Variants in PHF21B observed in about 807,000 individuals in gnomAD.
The protein encoded by PHF21B is PHD finger protein 21B.
In PHF21B, 22 loss-of-function variants were observed where a neutral mutation model predicts 62.2. That is an observed-to-expected ratio of 0.35 (90% CI 0.25 to 0.51). The LOEUF is 0.51. PHF21B is among the 20% of genes least tolerant of loss of function. The pLI, the probability that PHF21B is intolerant of heterozygous loss-of-function variation, is 0.97. For missense variants in PHF21B, 701 were observed against 707.9 expected (o/e 0.99, Z 0.11); for synonymous variants, 341 against 314.7 (o/e 1.08, Z -0.88).
intron 3 of PHF21B, among the ~76,000 whole-genome samples, chr22:44,919,576 T>A (rs2071498221): frequency 6.6e-6 from 1 of 152,164 alleles, no homozygotes; most frequent in Non-Finnish European, 1.5e-5. Context: ...CCTCTCACCA[T>A]CCTTGAGCTG....
Position 44,915,975 on chromosome 22 carries a change from G to A in PHF21B, c.564+305C>T, listed in dbSNP as rs538654499. ...TCATTAATTGGTTAATCATTTGAAT[G>A]AATTCATTCATTGACCAATCACTCC... On this transcript the variant is annotated intron_variant, in intron 4 of 12. Transcript: ENST00000313237. Among the ~76,000 whole-genome samples, 4 of 152,302 alleles carry A rather than the reference G, an allele frequency of 2.6e-5. No individual in the cohort carries two copies. In the South Asian group the frequency reaches 8.3e-4, roughly 32 times the overall value.
intron 2 of PHF21B, among the ~76,000 whole-genome samples, chr22:44,925,191 G>A (rs1444452592): frequency 6.6e-6 from 1 of 152,214 alleles, no homozygotes; most frequent in East Asian, 1.9e-4. Flanking sequence ...GACATTTTCA[G>A]GGAGAAAGAT....
chr22:44,948,452 C>T (rs553353455), intron 2 of PHF21B, among the ~76,000 whole-genome samples: 4 of 152,232 alleles, frequency 2.6e-5, no homozygotes, highest in African/African-American at 7.2e-5. Flanking sequence ...GAGGCCGAGG[C>T]GGGCAGATCA....
chr22:44,902,843 G>A (rs1362278724), intron 5 of PHF21B, among the ~76,000 whole-genome samples: 1 of 151,552 alleles, frequency 6.6e-6, no homozygotes. Flanking sequence ...TTGATGTTTT[G>A]TTGTTAAACA....
intron 2 of PHF21B, among the ~76,000 whole-genome samples, chr22:44,999,428 C>T (rs966091290): frequency 9.2e-5 from 14 of 152,130 alleles, no homozygotes; most frequent in African/African-American, 2.7e-4. Flanking sequence ...ACCGAGGCCC[C>T]GGCCAGCCAC....
chr22:44,991,979 G>A (rs544988824), intron 2 of PHF21B, among the ~76,000 whole-genome samples: 1 of 152,332 alleles, frequency 6.6e-6, no homozygotes, highest in Admixed American at 6.5e-5. Context: ...ATTTTTGGAG[G>A]CATTAAAGAA....
intron 2 of PHF21B, among the ~76,000 whole-genome samples, chr22:44,943,579 CTA>C (rs2072004867): frequency 6.6e-6 from 1 of 152,100 alleles, no homozygotes; most frequent in African/African-American, 2.4e-5. Flanking sequence ...CCCGCGGGCT[CTA>C]GAGTCCTGGC....
intron 5 of PHF21B, among the ~76,000 whole-genome samples, chr22:44,900,943 A>G (rs1601580901): frequency 6.6e-6 from 1 of 152,258 alleles, no homozygotes; most frequent in Non-Finnish European, 1.5e-5. Flanking sequence ...TGCAGATTAT[A>G]AAGTCTTTTT....
intron 2 of PHF21B, among the ~76,000 whole-genome samples, chr22:44,932,191 T>G (rs2071755272): frequency 6.6e-6 from 1 of 152,138 alleles, no homozygotes; most frequent in African/African-American, 2.4e-5. Context: ...AATCTGTTCT[T>G]TAAGAGGGGC....
chr22:44,899,753 C>G (rs1206339579), intron 5 of PHF21B, among the ~76,000 whole-genome samples: 1 of 151,812 alleles, frequency 6.6e-6, no homozygotes, highest in Non-Finnish European at 1.5e-5. Context: ...AATCTTTTTG[C>G]TGCAATCATA....
In PHF21B at chr22:44,893,543, C is replaced by T; in HGVS notation, c.884-10G>A. The T allele has an allele frequency of 5.0e-6, 8 of 1,592,342 alleles. No individual in the cohort carries two copies. The highest frequency in any genetic ancestry group is 6.8e-6 in the Non-Finnish European group (8 of 1,169,056). On this transcript the variant is annotated splice_polypyrimidine_tract_variant and intron_variant, in intron 6 of 12. Transcript: ENST00000313237. The stretch of plus-strand genomic sequence containing the variant: ...CGCTTGCTCTGGATTTCTGGAAAGG[C>T]ACAGACACAGCAGTTACTGGGTCCT...
At chr22:44,886,447 G>A (rs1029412975) in intron 10 of PHF21B, among the ~76,000 whole-genome samples, 5 of 147,254 alleles carry the variant, frequency 3.4e-5, no homozygotes, top group Non-Finnish European at 5.9e-5. Flanking sequence ...AGCAGTTTGG[G>A]AGGCCAAGGT....
intron 2 of PHF21B, among the ~76,000 whole-genome samples, chr22:44,941,258 G>A (rs1402242345): frequency 1.3e-5 from 2 of 152,186 alleles, no homozygotes; most frequent in African/African-American, 4.8e-5. Flanking sequence ...GAGACCTCCA[G>A]AGGTCCACGC....
chr22:45,007,535 G>A (rs1231945938), intron 2 of PHF21B, among the ~76,000 whole-genome samples: 1 of 142,904 alleles, frequency 7.0e-6, no homozygotes, highest in African/African-American at 2.6e-5. Context: ...GATGGCCGGG[G>A]GCGCGGCGCG....
intron 2 of PHF21B, among the ~76,000 whole-genome samples, chr22:44,992,339 G>A (rs962867189): frequency 6.6e-6 from 1 of 152,228 alleles, no homozygotes; most frequent in Admixed American, 6.5e-5. Context: ...GGGTGCTGTG[G>A]CCGCACCGCA....
chr22:44,893,710 C>T (rs541011289), intron 6 of PHF21B, among the ~76,000 whole-genome samples, 177 bp from the exon 7 acceptor site: 2 of 152,342 alleles, frequency 1.3e-5, no homozygotes, highest in Admixed American at 6.5e-5. Context: ...ATCACTGACT[C>T]CATGGCAGGA....
intron 2 of PHF21B, among the ~76,000 whole-genome samples, chr22:44,991,894 A>T: frequency 6.6e-6 from 1 of 152,244 alleles, no homozygotes; most frequent in East Asian, 1.9e-4. Flanking sequence ...TCTTCCAAAA[A>T]CATATTTAGT....
At chr22:44,932,002 C>A (rs1449318188) in intron 2 of PHF21B, among the ~76,000 whole-genome samples, 1 of 152,150 alleles carries the variant, frequency 6.6e-6, no homozygotes, top group Non-Finnish European at 1.5e-5. Flanking sequence ...CTGCGTCCCC[C>A]AGGAAGGAAG....
intron 2 of PHF21B, among the ~76,000 whole-genome samples, chr22:44,922,736 A>C (rs1157079927): frequency 6.6e-6 from 1 of 152,262 alleles, no homozygotes; most frequent in Non-Finnish European, 1.5e-5. Context: ...TCAATAAATA[A>C]AAATAAGAAA....
Sources: allele counts gnomAD v4.1 joint callset (sites outside exome capture counted in the v4.1 genomes callset), GRCh38; gene constraint gnomAD v4.1.1; transcripts MANE v1.5; gene names NCBI Gene and HGNC (gene_info 2026-07-23, HGNC 2026-07-21).